DAB1: variants seen among roughly 807,000 people sequenced by gnomAD.
DAB1 encodes disabled homolog 1.
A neutral mutation model predicts 64.6 loss-of-function variants in DAB1; 15 were observed. The ratio of observed to expected loss-of-function variants is 0.23; its 90% CI spans 0.16 to 0.36. The LOEUF is 0.36. DAB1 is among the 10% of genes least tolerant of loss of function. The pLI is 1.00. For synonymous variants in DAB1, 235 were observed against 251.9 expected (o/e 0.93, Z 0.64); for missense variants, 596 against 706.7 (o/e 0.84, Z 1.78).
At chr1:58,215,936 C>T (rs58540462) in intron 4 of DAB1, among the ~76,000 whole-genome samples, 10,688 of 152,174 alleles carry the variant, frequency 0.07, 694 homozygotes, top group African/African-American at 0.17. Context: ...CTTACTGCAG[C>T]AACTCTAACC....
intron 5 of DAB1, among the ~76,000 whole-genome samples, chr1:57,935,376 T>C (rs1645010900): frequency 6.6e-6 from 1 of 152,204 alleles, no homozygotes. Context: ...TTAACAACTG[T>C]AAAATATTTG....
chr1:57,825,805 A>G (rs1652324848), downstream of DAB1, among the ~76,000 whole-genome samples: 1 of 152,174 alleles, frequency 6.6e-6, no homozygotes, highest in Non-Finnish European at 1.5e-5. Flanking sequence ...TAATGTGTGA[A>G]TGTTGTTCAG....
intron 2 of DAB1, among the ~76,000 whole-genome samples, chr1:57,209,939 T>G (rs1332547893): frequency 1.3e-5 from 2 of 152,232 alleles, no homozygotes; most frequent in African/African-American, 2.4e-5. Context: ...AAAAGCCACA[T>G]GGCTTGGACT....
chr1:58,454,124 C>G (rs1031169216), intron 3 of DAB1, among the ~76,000 whole-genome samples: 1 of 152,122 alleles, frequency 6.6e-6, no homozygotes, highest in Non-Finnish European at 1.5e-5. Flanking sequence ...TTCTGGGCTT[C>G]GACTGGGCAT....
chr1:57,887,161 T>C (rs1557537709), upstream of DAB1, among the ~76,000 whole-genome samples: 1 of 152,190 alleles, frequency 6.6e-6, no homozygotes, highest in Non-Finnish European at 1.5e-5. Flanking sequence ...CCTTCTTTGG[T>C]AGTTTTCTTT....
intron 5 of DAB1, among the ~76,000 whole-genome samples, chr1:58,057,865 G>A (rs540082097): frequency 1.5e-4 from 23 of 151,888 alleles, no homozygotes; most frequent in Non-Finnish European, 3.1e-4. Flanking sequence ...AGCTGCCTAG[G>A]AGCATCCTCT....
At chr1:57,348,619 C>G (rs1203717652) in intron 1 of DAB1, among the ~76,000 whole-genome samples, 1 of 152,082 alleles carries the variant, frequency 6.6e-6, no homozygotes, top group African/African-American at 2.4e-5. Context: ...ACTCATCTTG[C>G]CAGAGTCAGG....
intron 1 of DAB1, among the ~76,000 whole-genome samples, chr1:57,339,436 G>A (rs1479693970): frequency 3.9e-5 from 6 of 152,204 alleles, no homozygotes; most frequent in African/African-American, 1.2e-4. Flanking sequence ...GATTACAGGC[G>A]TGAGCACTGT....
At chr1:57,482,287 A>C (rs1350703715) in intron 7 of DAB1, among the ~76,000 whole-genome samples, 1 of 152,130 alleles carries the variant, frequency 6.6e-6, no homozygotes, top group African/African-American at 2.4e-5. Context: ...ATTTGAAATG[A>C]CATTTTGGTA....
intron 7 of DAB1, among the ~76,000 whole-genome samples, chr1:57,625,643 T>C (rs1645913724): frequency 6.6e-6 from 1 of 152,100 alleles, no homozygotes; most frequent in African/African-American, 2.4e-5. Flanking sequence ...GGCAAAGGGA[T>C]GGGCAGGGAT....
At chr1:58,491,317 A>C (rs1645684542) in intron 3 of DAB1, among the ~76,000 whole-genome samples, 1 of 152,218 alleles carries the variant, frequency 6.6e-6, no homozygotes, top group African/African-American at 2.4e-5. Flanking sequence ...AACATGCCAA[A>C]TTGTAAAGAC....
chr1:57,191,019 T>A (rs560503767), intron 2 of DAB1, among the ~76,000 whole-genome samples: 11 of 152,182 alleles, frequency 7.2e-5, no homozygotes, highest in Non-Finnish European at 1.2e-4. Flanking sequence ...ACCCAGCTAT[T>A]AATGTCAGCT....
intron 5 of DAB1, among the ~76,000 whole-genome samples, chr1:58,011,586 TCTTTTCC>T (rs1369946969): frequency 6.6e-6 from 1 of 152,236 alleles, no homozygotes; most frequent in Non-Finnish European, 1.5e-5. Context: ...ATCTCTTCTC[TCTTTTCC>T]CTTTAGAACA....
chr1:57,586,806 C>T (rs1453507823), intron 7 of DAB1, among the ~76,000 whole-genome samples: 7 of 22,800 alleles, frequency 3.1e-4, no homozygotes, highest in African/African-American at 6.8e-4. Flanking sequence ...CAATACTTTA[C>T]TTAAAAAAAA....
chr1:57,838,979 CTA>C (rs1467183770), intron 1 of DAB1, among the ~76,000 whole-genome samples: 2 of 151,942 alleles, frequency 1.3e-5, no homozygotes, highest in Non-Finnish European at 2.9e-5. Context: ...TGGGGTCTCA[CTA>C]TGTTGTTCAG....
At chr1:57,492,714 G>C (rs1644178985) in intron 7 of DAB1, among the ~76,000 whole-genome samples, 1 of 152,008 alleles carries the variant, frequency 6.6e-6, no homozygotes, top group South Asian at 2.1e-4. Flanking sequence ...AACCCTACTG[G>C]GCAAGTCGCT....
At chr1:57,151,161 T>C (rs2100844345) in intron 2 of DAB1, among the ~76,000 whole-genome samples, 1 of 152,314 alleles carries the variant, frequency 6.6e-6, no homozygotes, top group Admixed American at 6.5e-5. Context: ...TTAAAGCCTT[T>C]GAACATTGTT....
chr1:58,469,402 A>T (rs1476359762), intron 3 of DAB1, among the ~76,000 whole-genome samples: 3 of 102,116 alleles, frequency 2.9e-5, no homozygotes, highest in African/African-American at 9.8e-5. Context: ...TAGGTGCTTT[A>T]AAAAAAAAAA....
chr1:57,044,848 A>T (rs1648262639), intron 9 of DAB1, among the ~76,000 whole-genome samples: 1 of 152,232 alleles, frequency 6.6e-6, no homozygotes, highest in South Asian at 2.1e-4. Flanking sequence ...CTTCTTGGCC[A>T]GGCAGAGGTC....
Sources: allele counts gnomAD v4.1 joint callset (sites outside exome capture counted in the v4.1 genomes callset), GRCh38; gene constraint gnomAD v4.1.1; transcripts MANE v1.5; gene names NCBI Gene and HGNC (gene_info 2026-07-23, HGNC 2026-07-21).